Variants in COX10 observed in about 807,000 individuals in gnomAD.
The protein encoded by COX10 is protoheme IX farnesyltransferase, mitochondrial.
COX10 carries 27 observed loss-of-function variants against 37.3 expected under a neutral mutation model. The observed-to-expected ratio is 0.72, with a 90% CI of 0.53 to 1.00. COX10 has a LOEUF of 1.00. COX10 is among the 50% of genes least tolerant of loss of function. The pLI is 0.00. For synonymous variants in COX10, 222 were observed against 229.1 expected, an observed-to-expected ratio of 0.97 and a Z score of 0.28; for missense variants, 475 against 563.2, an observed-to-expected ratio of 0.84 and a Z score of 1.59.
intron 4 of COX10, among the ~76,000 whole-genome samples, chr17:14,117,936 A>G (rs532486455): frequency 3.6e-4 from 55 of 152,244 alleles, no homozygotes; most frequent in Non-Finnish European, 5.4e-4. Flanking sequence ...ATGGGGAGCC[A>G]GAAGGGGGAT....
At chr17:14,155,619 G>C (rs1905021974) in intron 4 of COX10, among the ~76,000 whole-genome samples, 1 of 151,880 alleles carries the variant, frequency 6.6e-6, no homozygotes, top group Non-Finnish European at 1.5e-5. Flanking sequence ...GGAGGCTGAG[G>C]CAGGAGAATG....
chr17:14,190,382 G>T (rs1461369788), intron 5 of COX10, among the ~76,000 whole-genome samples: 2 of 152,168 alleles, frequency 1.3e-5, no homozygotes, highest in Admixed American at 6.5e-5. Flanking sequence ...TATTGTGGAA[G>T]TAACTGACCA....
intron 5 of COX10, among the ~76,000 whole-genome samples, chr17:14,183,250 T>G (rs1395845740): frequency 2.0e-5 from 3 of 151,662 alleles, no homozygotes; most frequent in Admixed American, 6.6e-5. Flanking sequence ...ACCCTCAGCA[T>G]GAACCATGAA....
At chr17:14,114,756 A>G (rs1227991698) in intron 4 of COX10, among the ~76,000 whole-genome samples, 1 of 152,112 alleles carries the variant, frequency 6.6e-6, no homozygotes, top group East Asian at 1.9e-4. Context: ...AGTTATGGTA[A>G]TTAGGGTTTA....
intron 2 of COX10, among the ~76,000 whole-genome samples, chr17:14,075,814 C>A (rs1915131741): frequency 6.6e-6 from 1 of 151,472 alleles, no homozygotes; most frequent in Non-Finnish European, 1.5e-5. Flanking sequence ...CACGGTGAAA[C>A]CCTGTCTCTA....
intron 3 of COX10, among the ~76,000 whole-genome samples, chr17:14,092,467 G>A (rs969930132): frequency 5.3e-5 from 8 of 152,066 alleles, no homozygotes; most frequent in African/African-American, 1.9e-4. Flanking sequence ...TTAAAAACCT[G>A]TATTAAAAGT....
chr17:14,119,870 A>G lies in COX10; in HGVS notation c.624+17628A>G, dbSNP rs539512003. 2.3e-3 allele frequency among the ~76,000 whole-genome samples: 347 copies of G among 152,272 alleles called. 2 individuals carry two copies. Among genetic ancestry groups the G allele is most frequent in the African/African-American group, 7.5e-3 (312 of 41,574 alleles). ...TTTAGTTTTGGAGCATTAGGAAACC[A>G]TTGTCATGCTTTAGAGAGAGACCTG... On this transcript the variant is annotated intron_variant, in intron 4 of 6. Coordinates refer to ENST00000261643, the MANE Select transcript of COX10 (RefSeq NM_001303.4).
At chr17:14,179,475 G>C (rs1342840095) in intron 5 of COX10, among the ~76,000 whole-genome samples, 2 of 152,254 alleles carry the variant, frequency 1.3e-5, no homozygotes, top group Non-Finnish European at 2.9e-5. Flanking sequence ...AATGCTCAAA[G>C]TTTTATAATC....
At chr17:14,195,080 AC>A (rs1232642051) in intron 6 of COX10, among the ~76,000 whole-genome samples, 1 of 152,228 alleles carries the variant, frequency 6.6e-6, no homozygotes, top group African/African-American at 2.4e-5. Flanking sequence ...TGCAGATCAA[AC>A]CATATGCTTA....
chr17:14,203,438 C>T (rs974900899), intron 6 of COX10, among the ~76,000 whole-genome samples: 45 of 152,110 alleles, frequency 3.0e-4, no homozygotes, highest in African/African-American at 9.9e-4. Context: ...CCCTCTTAAA[C>T]CATCTGTACC....
In COX10 at chr17:14,175,087, G is replaced by C. The variant is rs1361333587; in HGVS notation, c.695+15140G>C. Among the ~76,000 whole-genome samples, 3 of 73,132 alleles carry C rather than the reference G, an allele frequency of 4.1e-5. 1 individual carries two copies. Among genetic ancestry groups the C allele is most frequent in the African/African-American group, 9.0e-5 (2 of 22,186 alleles). The allele number at this position is 73,132 out of a possible 152,430, so 48.0% of individuals were successfully genotyped here. A position where few individuals can be genotyped will look rare whatever the true frequency, so the allele number is the denominator to read the frequency against. ...TCAGTGGTTACTGGGAAATAGCGGG[G>C]GGGGGGGGGGTGGATAGGAGGGAAT... is the stretch of plus-strand genomic sequence containing the variant. On this transcript the variant is annotated intron_variant, in intron 5 of 6. Transcript: ENST00000261643.
chr17:14,196,798 C>T (rs555963543), intron 6 of COX10, among the ~76,000 whole-genome samples: 1 of 152,202 alleles, frequency 6.6e-6, no homozygotes, highest in Non-Finnish European at 1.5e-5. Flanking sequence ...CTCCCACACT[C>T]TCTTTGCCCT....
intron 6 of COX10, among the ~76,000 whole-genome samples, chr17:14,197,026 G>A (rs1488807018): frequency 6.6e-6 from 1 of 152,172 alleles, no homozygotes; most frequent in Non-Finnish European, 1.5e-5. Flanking sequence ...CCTTGACTGA[G>A]GATACTTTTG....
At chr17:14,178,490 C>G (rs1185153868) in intron 5 of COX10, among the ~76,000 whole-genome samples, 10 of 143,698 alleles carry the variant, frequency 7.0e-5, no homozygotes, top group African/African-American at 2.2e-4. Context: ...GGTTCCTTCT[C>G]TTCTGACTTC....
At chr17:14,110,577 C>T (rs1048078748) in intron 4 of COX10, among the ~76,000 whole-genome samples, 9 of 152,062 alleles carry the variant, frequency 5.9e-5, no homozygotes, top group African/African-American at 2.2e-4. Context: ...CCACCCCCAC[C>T]TAGCAGAGGT....
chr17:14,098,119 G>A (rs1253495783), intron 3 of COX10, among the ~76,000 whole-genome samples: 2 of 152,024 alleles, frequency 1.3e-5, no homozygotes, highest in Non-Finnish European at 2.9e-5. Flanking sequence ...ACTGTTTATC[G>A]AGAATGTTAT....
intron 3 of COX10, among the ~76,000 whole-genome samples, chr17:14,083,136 GAT>G (rs1915334990): frequency 2.0e-5 from 3 of 152,204 alleles, no homozygotes; most frequent in African/African-American, 7.2e-5. Context: ...TACACACACA[GAT>G]GGAAAGGTCC....
At chr17:14,138,825 C>T (rs1033852415) in intron 4 of COX10, among the ~76,000 whole-genome samples, 3 of 152,176 alleles carry the variant, frequency 2.0e-5, no homozygotes, top group African/African-American at 7.2e-5. Flanking sequence ...ATTGTCTCCT[C>T]ATCCCAGCAT....
At chr17:14,186,984 G>C (rs199696751) in intron 5 of COX10, among the ~76,000 whole-genome samples, 10 of 101,880 alleles carry the variant, frequency 9.8e-5, no homozygotes, top group Non-Finnish European at 2.0e-4. Context: ...CTTATTTTAA[G>C]GTTTTTTTTT....
Sources: gnomAD v4.1 joint callset for allele counts (sites outside exome capture counted in the v4.1 genomes callset) on GRCh38, gnomAD v4.1.1 for gene constraint, MANE v1.5 for transcripts, NCBI Gene and HGNC (gene_info 2026-07-23, HGNC 2026-07-21) for gene names.